Variants in SVEP1 observed in about 807,000 individuals in gnomAD.
SVEP1 encodes the protein sushi, von Willebrand factor type A, EGF and pentraxin domain-containing protein 1.
A neutral mutation model predicts 367.3 loss-of-function variants in SVEP1; 164 were observed. The ratio of observed to expected loss-of-function variants is 0.45; its 90% CI spans 0.39 to 0.51. The LOEUF (loss-of-function observed/expected upper bound fraction) is 0.51. Among genes scored for constraint, SVEP1 ranks in the 20% least tolerant of loss-of-function variants. The pLI is 0.00. For missense variants in SVEP1, 4,117 were observed against 4,425.3 expected, an observed-to-expected ratio of 0.93 and a Z score of 1.98; for synonymous variants, 1,666 against 1,611.6, an observed-to-expected ratio of 1.03 and a Z score of -0.81.
intron 1 of SVEP1, among the ~76,000 whole-genome samples, chr9:110,563,099 C>T (rs1830451071): frequency 6.6e-6 from 1 of 152,076 alleles, no homozygotes; most frequent in Non-Finnish European, 1.5e-5. Flanking sequence ...AATTTATATA[C>T]AAGAATAACT....
At chr9:110,446,845 GTTA>G (rs1564145216) in intron 25 of SVEP1, 52 bp downstream of exon 25, 2 of 1,402,426 alleles carry the variant, frequency 1.4e-6, no homozygotes, top group Non-Finnish European at 1.9e-6. Flanking sequence ...TGGTATTATT[GTTA>G]TTATATTACT....
chr9:110,427,365 T>C (rs955131854), intron 36 of SVEP1, among the ~76,000 whole-genome samples: 14 of 151,182 alleles, frequency 9.3e-5, no homozygotes, highest in African/African-American at 3.4e-4. Flanking sequence ...TTGCCCAATG[T>C]CCATTATTGA....
At chr9:110,547,133 CA>C (rs1326238008) in intron 2 of SVEP1, among the ~76,000 whole-genome samples, 7 of 152,038 alleles carry the variant, frequency 4.6e-5, no homozygotes, top group Admixed American at 4.6e-4. Context: ...GTGGTAGACT[CA>C]AATATAGAAC....
intron 27 of SVEP1, among the ~76,000 whole-genome samples, chr9:110,437,074 C>T (rs907828721): frequency 6.6e-6 from 1 of 152,184 alleles, no homozygotes; most frequent in African/African-American, 2.4e-5. Context: ...GAACTGCCCT[C>T]CACCCTTCTC....
chr9:110,565,999 T>C (rs1373096914), intron 1 of SVEP1, among the ~76,000 whole-genome samples: 1 of 152,030 alleles, frequency 6.6e-6, no homozygotes, highest in Non-Finnish European at 1.5e-5. Flanking sequence ...GTTCAGTTTC[T>C]TCATCTGCAT....
intron 36 of SVEP1, among the ~76,000 whole-genome samples, chr9:110,423,377 T>C (rs752144801): frequency 2.0e-5 from 3 of 151,474 alleles, no homozygotes; most frequent in African/African-American, 4.8e-5. Flanking sequence ...CAAAAAGAAA[T>C]AGTGGTGAAA....
chr9:110,574,246 A>G (rs1304586986), intron 1 of SVEP1, among the ~76,000 whole-genome samples: 1 of 152,254 alleles, frequency 6.6e-6, no homozygotes, highest in Non-Finnish European at 1.5e-5. Context: ...CAGTGTGCCT[A>G]TGCACCATAC....
Position 110,483,659 on chromosome 9 carries a change from A to G in SVEP1, c.1965T>C (p.Ser655=). 6.2e-7 allele frequency: 1 copy of G among 1,611,636 alleles called. No homozygotes were observed. Among genetic ancestry groups the G allele is most frequent in the Non-Finnish European group, 8.5e-7 (1 of 1,178,774 alleles). ...AEPPVIDWCR[S]PPPVQVSEKV... ...TCTCCGAGACCTGGACGGGAGGTGGAGATCTGCACCAGTCTATGACAGGTG... is the reference window on the plus strand; with the variant it reads ...TCTCCGAGACCTGGACGGGAGGTGGGGATCTGCACCAGTCTATGACAGGTG... The change falls in exon 10 of 48, where the codon TCT becomes TCC. Residue 655 remains serine, a synonymous_variant. Coordinates refer to ENST00000374469, the MANE Select transcript of SVEP1 (RefSeq NM_153366.4).
intron 46 of SVEP1, among the ~76,000 whole-genome samples, chr9:110,371,308 C>T (rs12684188): frequency 0.12 from 18,963 of 152,158 alleles, 1,280 homozygotes; most frequent in Admixed American, 0.17. Flanking sequence ...TGCCTGACTG[C>T]ACTAACAAAC....
At chr9:110,514,134 A>T in intron 3 of SVEP1, 28 bp from the exon 4 acceptor site, 1 of 1,599,494 alleles carries the variant, frequency 6.3e-7, no homozygotes, top group East Asian at 2.2e-5. Flanking sequence ...GGAGAAGTCC[A>T]TGTTATGTGG....
Position 110,406,591 on chromosome 9 carries a change from C to T in SVEP1, c.9009G>A (p.Leu3003=). The change falls in exon 38 of 48, where the codon CTG becomes CTA. Residue 3003 remains leucine, a synonymous_variant. Transcript: ENST00000374469. ...GSWSGSSPSC[L]PCRCSTPVIE... ...TTACTGGTGTGGAACATCTGCAAGG[C>T]AGGCAGGAAGGTGAGCTGCCACTCC... 6.2e-7 allele frequency: 1 copy of T among 1,613,778 alleles called. No homozygotes were observed. The highest frequency in any genetic ancestry group is 8.5e-7 in the Non-Finnish European group (1 of 1,179,828).
At chr9:110,475,191 T>C (rs1829080630) in intron 14 of SVEP1, among the ~76,000 whole-genome samples, 1 of 152,134 alleles carries the variant, frequency 6.6e-6, no homozygotes, top group Non-Finnish European at 1.5e-5. Context: ...AAAGCAACAG[T>C]CAACATCACT....
chr9:110,483,571 T>A lies in SVEP1; in HGVS notation c.2038+15A>T, dbSNP rs762548056. 2 of 1,590,614 alleles carry A rather than the reference T, an allele frequency of 1.3e-6. No individual in the cohort carries two copies. Among genetic ancestry groups the A allele is most frequent in the Non-Finnish European group, 1.7e-6 (2 of 1,169,362 alleles). ...CATTGCTACTATGCTGACAACAAAG[T>A]CCTTGTCACCTCACCTGAGTTGTCT... On this transcript the variant is annotated intron_variant, in intron 10 of 47. Coordinates refer to ENST00000374469, the MANE Select transcript of SVEP1 (RefSeq NM_153366.4).
chr9:110,500,884 T>G (rs1829519731), intron 6 of SVEP1, among the ~76,000 whole-genome samples: 2 of 152,048 alleles, frequency 1.3e-5, no homozygotes, highest in Admixed American at 1.3e-4. Context: ...TTTTAGTGAT[T>G]GTTCATTACA....
rs1475742842 is a variant in SVEP1, at chr9:110,407,408, G to A, written c.8192C>T (p.Thr2731Ile). 2.5e-6 allele frequency: 4 copies of A among 1,613,900 alleles called. No homozygotes were observed. Among genetic ancestry groups the A allele is most frequent in the Non-Finnish European group, 3.4e-6 (4 of 1,179,914 alleles). Residue 2731 changes from threonine (T) to isoleucine (I), a missense_variant, in exon 38 of 48, where the codon ACA (threonine) becomes ATA (isoleucine). By Grantham distance (89) the Thr-to-Ile change is moderately conservative. Coordinates refer to ENST00000374469, the MANE Select transcript of SVEP1 (RefSeq NM_153366.4). ...TAPENGFLRF[T>I]ETSMGSAVQY... ...CACAGCACTTCCCATGCTAGTCTCT[G>A]TAAAACGCAAAAAGCCATTTTCAGG...
intron 40 of SVEP1, among the ~76,000 whole-genome samples, chr9:110,393,448 CGCA>C (rs1195630708): frequency 6.6e-6 from 1 of 152,166 alleles, no homozygotes; most frequent in African/African-American, 2.4e-5. Context: ...GCGTGAGCGA[CGCA>C]GAAGACGGGT....
At chr9:110,404,868 T>TAAAC (rs1321319456) in intron 38 of SVEP1, among the ~76,000 whole-genome samples, 1 of 151,832 alleles carries the variant, frequency 6.6e-6, no homozygotes, top group Non-Finnish European at 1.5e-5. Context: ...CTATAAAAAA[T>TAAAC]AAACAAAATT....
chr9:110,568,636 G>C (rs1048260797), intron 1 of SVEP1, among the ~76,000 whole-genome samples: 1 of 152,012 alleles, frequency 6.6e-6, no homozygotes, highest in African/African-American at 2.4e-5. Context: ...ACCTTGCTGA[G>C]GGAAGGGACC....
chr9:110,430,395 C>T lies in SVEP1; in HGVS notation c.5409G>A (p.Glu1803=), dbSNP rs1352072140. 6.2e-7 allele frequency: 1 copy of T among 1,613,252 alleles called. No individual in the cohort carries two copies. Among genetic ancestry groups the T allele is most frequent in the African/African-American group, 1.3e-5 (1 of 74,990 alleles). The change falls in exon 33 of 48, where the codon GAG becomes GAA. Residue 1803 remains glutamate, a synonymous_variant. Transcript: ENST00000374469. ...GNPENGHSSG[E]IYTVGAEVTF... Reference sequence around the variant, plus strand: ...TGACTTCGGCACCTACTGTATAAATCTCACCTGAGGAGTGGCCATTTTCCG... The same window carrying T: ...TGACTTCGGCACCTACTGTATAAATTTCACCTGAGGAGTGGCCATTTTCCG...
Sources: allele counts gnomAD v4.1 joint callset (sites outside exome capture counted in the v4.1 genomes callset), GRCh38; gene constraint gnomAD v4.1.1; transcripts MANE v1.5; gene names NCBI Gene and HGNC (gene_info 2026-07-23, HGNC 2026-07-21).